Variants in BCAS3 observed in about 807,000 individuals in gnomAD.
BCAS3 encodes the protein BCAS4/BCAS3 fusion.
A neutral mutation model predicts 116.1 loss-of-function variants in BCAS3; 53 were observed. That is an observed-to-expected ratio of 0.46 (90% CI 0.37 to 0.57). The LOEUF is 0.57. BCAS3 is among the 20% of genes least tolerant of loss of function. The probability of loss-of-function intolerance (pLI) is 0.00; values close to 1 mark genes in which losing one functional copy is unlikely to be tolerated. For synonymous variants in BCAS3, 391 were observed against 408.2 expected, an observed-to-expected ratio of 0.96 and a Z score of 0.51; for missense variants, 917 against 1,165.4, an observed-to-expected ratio of 0.79 and a Z score of 3.10.
At chr17:60,815,249 A>G (rs2049266588) in intron 7 of BCAS3, among the ~76,000 whole-genome samples, 1 of 152,084 alleles carries the variant, frequency 6.6e-6, no homozygotes, top group Admixed American at 6.6e-5. Context: ...AACAATGAGA[A>G]CACTTGGACA....
Position 61,388,433 on chromosome 17 carries a change from G to A in BCAS3, c.2594-3544G>A. On this transcript the variant is annotated intron_variant, in intron 23 of 23. Coordinates refer to ENST00000407086, the MANE Select transcript of BCAS3 (RefSeq NM_017679.5). The surrounding 1 kb of genome is among the most constrained non-coding windows in gnomAD (Gnocchi z 6.5). ...GCAGATCCATCTCTGGGACCCCCAA[G>A]ACAGATTGGTCCCCAGCCCCTACAC... 1 of 574,026 alleles carries A rather than the reference G, an allele frequency of 1.7e-6. No homozygotes were observed. Among genetic ancestry groups the A allele is most frequent in the Non-Finnish European group, 3.1e-6 (1 of 324,448 alleles). The allele number at this position is 574,026 out of a possible 1,614,324, so 35.6% of individuals were successfully genotyped here. A position where few individuals can be genotyped will look rare whatever the true frequency, so the allele number is the denominator to read the frequency against.
intron 22 of BCAS3, among the ~76,000 whole-genome samples, chr17:61,318,669 C>T (rs1001541092): frequency 1.3e-5 from 2 of 152,218 alleles, no homozygotes; most frequent in African/African-American, 2.4e-5. Flanking sequence ...CACTCCTGCT[C>T]GGAGGACATG....
At chr17:61,210,847 G>A (rs755266513) in intron 22 of BCAS3, among the ~76,000 whole-genome samples, 1 of 152,032 alleles carries the variant, frequency 6.6e-6, no homozygotes, top group Non-Finnish European at 1.5e-5. Flanking sequence ...CGCTTTTCAC[G>A]GACATTTTTC....
intron 13 of BCAS3, among the ~76,000 whole-genome samples, chr17:60,943,592 A>G (rs576021181): frequency 3.9e-5 from 6 of 152,114 alleles, no homozygotes; most frequent in Non-Finnish European, 8.8e-5. Context: ...GGAAAACTAC[A>G]CATGTCCACA....
intron 20 of BCAS3, among the ~76,000 whole-genome samples, chr17:61,076,721 G>C (rs2072029039): frequency 6.6e-6 from 1 of 152,324 alleles, no homozygotes; most frequent in African/African-American, 2.4e-5. Flanking sequence ...ACAGGCATCT[G>C]TTTACCTCTG....
chr17:61,284,385 C>CTGA (rs1373091259), intron 22 of BCAS3, among the ~76,000 whole-genome samples: 4 of 152,146 alleles, frequency 2.6e-5, no homozygotes, highest in Non-Finnish European at 5.9e-5. Context: ...GGCTTCATTC[C>CTGA]TGAGAATGAA....
intron 22 of BCAS3, among the ~76,000 whole-genome samples, chr17:61,192,110 G>T (rs989572186): frequency 6.6e-6 from 1 of 151,760 alleles, no homozygotes; most frequent in Non-Finnish European, 1.5e-5. Context: ...GCTGGGCGTG[G>T]TGGTGGGTGC....
intron 23 of BCAS3, among the ~76,000 whole-genome samples, chr17:61,385,579 G>A (rs1049018480): frequency 1.3e-5 from 2 of 152,220 alleles, no homozygotes; most frequent in African/African-American, 4.8e-5. Context: ...GAACCCCCAG[G>A]CAGAAGGTAC....
intron 22 of BCAS3, among the ~76,000 whole-genome samples, chr17:61,296,215 C>T (rs2052892382): frequency 1.3e-5 from 2 of 152,198 alleles, no homozygotes; most frequent in African/African-American, 2.4e-5. Context: ...TCAGGTTAAA[C>T]AGGCTTTACC....
At chr17:60,996,995 G>A (rs986001045) in intron 15 of BCAS3, among the ~76,000 whole-genome samples, 4 of 152,176 alleles carry the variant, frequency 2.6e-5, no homozygotes, top group Non-Finnish European at 5.9e-5. Context: ...TTTTGTGGAA[G>A]ACAGTTTTTC....
At position 61,391,908 on chromosome 17, in the gene BCAS3, G is replaced by A. The variant is rs1416591331; in HGVS notation, c.2594-69G>A. On this transcript the variant is annotated intron_variant, in intron 23 of 23. Transcript: ENST00000407086. This position sits in a 1 kb window ranked among gnomAD's most constrained non-coding sequence, Gnocchi z 7.7. Reference sequence around the variant, plus strand: ...AATGGTGCCTCAAGGCAGGCAGCCTGGCCCAGATGGTGCCCCCACTCCCCA... The same window carrying A: ...AATGGTGCCTCAAGGCAGGCAGCCTAGCCCAGATGGTGCCCCCACTCCCCA... 6.5e-7 allele frequency: 1 copy of A among 1,549,384 alleles called. No homozygotes were observed. The highest frequency in any genetic ancestry group is 8.8e-7 in the Non-Finnish European group (1 of 1,141,968).
chr17:60,756,567 G>C (rs12945107), intron 6 of BCAS3, among the ~76,000 whole-genome samples: 110,415 of 152,090 alleles, frequency 0.73, 45,779 homozygotes, highest in South Asian at 0.98. Flanking sequence ...AACATAATTA[G>C]CTCCAGTTCC....
At chr17:60,775,009 G>A (rs1315423338) in intron 6 of BCAS3, among the ~76,000 whole-genome samples, 4 of 152,182 alleles carry the variant, frequency 2.6e-5, no homozygotes, top group African/African-American at 9.7e-5. Context: ...TGACTTAAGA[G>A]TGCTTAGGAT....
In BCAS3 at chr17:60,960,772, CTTCTTT is replaced by C. The variant is rs2061372524; in HGVS notation, c.1221+13429_1221+13434del. On this transcript the variant is annotated intron_variant, in intron 14 of 23. Coordinates refer to ENST00000407086, the MANE Select transcript of BCAS3 (RefSeq NM_017679.5). This position sits in a 1 kb window ranked among gnomAD's most constrained non-coding sequence, Gnocchi z 4.1. The stretch of plus-strand genomic sequence containing the variant: ...TTGCAAGTCCAGTAGCTGCCTTCTT[CTTCTTT>C]TTCTTTTTTTTTTTTTAATCATGCC... 6.6e-6 allele frequency among the ~76,000 whole-genome samples: 1 copy of C among 151,052 alleles called. No homozygotes were observed. Among genetic ancestry groups the C allele is most frequent in the African/African-American group, 2.4e-5 (1 of 40,874 alleles).
intron 19 of BCAS3, among the ~76,000 whole-genome samples, chr17:61,070,587 C>T (rs1207297168): frequency 1.3e-5 from 2 of 151,356 alleles, no homozygotes; most frequent in African/African-American, 4.8e-5. Context: ...TTAGTACAAA[C>T]TAAGAAAATA....
chr17:61,374,768 A>G (rs1478758899), intron 23 of BCAS3, among the ~76,000 whole-genome samples: 2 of 152,188 alleles, frequency 1.3e-5, no homozygotes, highest in East Asian at 3.8e-4. Flanking sequence ...ACCCTTCACA[A>G]AACAATATTA....
At chr17:60,905,911 A>C (rs529455992) in intron 11 of BCAS3, among the ~76,000 whole-genome samples, 1 of 152,254 alleles carries the variant, frequency 6.6e-6, no homozygotes, top group East Asian at 1.9e-4. Context: ...TGGCTATCCC[A>C]CCATAATCTT....
intron 19 of BCAS3, among the ~76,000 whole-genome samples, chr17:61,044,465 A>AAAAATATATATATATATATATATATATAT: frequency 1.7e-5 from 2 of 120,112 alleles, no homozygotes; most frequent in African/African-American, 1.0e-4. Context: ...AAAAAAAAAA[A>AAAAATATATATATATATATATATATATAT]ATATATATAT....
intron 15 of BCAS3, among the ~76,000 whole-genome samples, 180 bp from the exon 16 acceptor site, chr17:61,015,571 G>C (rs879630176): frequency 4.6e-5 from 7 of 152,138 alleles, no homozygotes; most frequent in Non-Finnish European, 5.9e-5. Flanking sequence ...GAGCTATCCA[G>C]CTCTCCAAGA....
Sources: gnomAD v4.1 joint callset for allele counts (sites outside exome capture counted in the v4.1 genomes callset) on GRCh38, gnomAD v4.1.1 for gene constraint, Gnocchi (gnomAD v3.1) non-coding constraint, MANE v1.5 for transcripts, NCBI Gene and HGNC (gene_info 2026-07-23, HGNC 2026-07-21) for gene names.